SLC13A1: variants seen among roughly 807,000 people sequenced by gnomAD.
SLC13A1 encodes the protein solute carrier family 13 member 1.
In SLC13A1, 65 loss-of-function variants were observed where a neutral mutation model predicts 70.0. The observed-to-expected ratio is 0.93, with a 90% CI of 0.76 to 1.14. The LOEUF is 1.14. SLC13A1 is among the 50% of genes most tolerant of loss of function. The pLI is 0.00. For missense variants in SLC13A1, 726 were observed against 717.8 expected, an observed-to-expected ratio of 1.01 and a Z score of -0.13; for synonymous variants, 275 against 250.5, an observed-to-expected ratio of 1.10 and a Z score of -0.92.
chr7:123,114,636 CATT>C lies in SLC13A1; in HGVS notation c.*879_*881del, dbSNP rs1793120877. ...ACATCTCTTTATTTTTAACATATGACATTATGTATTTCTGAACTAAGATAAACA... is the reference window on the plus strand; with the variant it reads ...ACATCTCTTTATTTTTAACATATGACATGTATTTCTGAACTAAGATAAACA... On this transcript the variant is annotated 3_prime_UTR_variant, in exon 15 of 15. Coordinates refer to ENST00000194130, the MANE Select transcript of SLC13A1 (RefSeq NM_022444.4). 1 of 152,048 alleles carries C rather than the reference CATT, an allele frequency of 6.6e-6. No homozygotes were observed. Among genetic ancestry groups the C allele is most frequent in the Middle Eastern group, 3.4e-3 (1 of 294 alleles). The allele number at this position is 152,048 out of a possible 1,614,324, so 9.4% of individuals were successfully genotyped here.
At chr7:123,129,090 T>G in intron 9 of SLC13A1, 144 bp from the exon 10 acceptor site, 1 of 709,004 alleles carries the variant, frequency 1.4e-6, no homozygotes. Flanking sequence ...AGAGCATCAG[T>G]GCAGTTTGAA....
At chr7:123,178,408 T>C (rs923099828) in intron 2 of SLC13A1, among the ~76,000 whole-genome samples, 8 of 152,098 alleles carry the variant, frequency 5.3e-5, no homozygotes, top group Non-Finnish European at 1.0e-4. Flanking sequence ...GGGCAGGAAT[T>C]ATAGTTTAAA....
chr7:123,198,710 A>C (rs1585422257), intron 1 of SLC13A1, among the ~76,000 whole-genome samples: 1 of 152,062 alleles, frequency 6.6e-6, no homozygotes, highest in Admixed American at 6.6e-5. Flanking sequence ...GGCTGGAGGG[A>C]CCACCATATT....
rs566220326 is a variant in SLC13A1, at chr7:123,174,886, T to C, written c.229-2982A>G. On this transcript the variant is annotated intron_variant, in intron 2 of 14. Coordinates refer to ENST00000194130, the MANE Select transcript of SLC13A1 (RefSeq NM_022444.4). ...TTTAACCTGGAATGACCCTCTCTGC[T>C]TGTCTTGGATACTTCTAGTCTTCCT... 1.1e-4 allele frequency among the ~76,000 whole-genome samples: 17 copies of C among 152,038 alleles called. No homozygotes were observed. The South Asian group carries it at 3.5e-3, about 32-fold the overall frequency.
Position 123,199,876 on chromosome 7 carries a change from A to G in SLC13A1, c.71T>C (p.Leu24Pro). ...GGTGTGGAGGACGATGGGCAGAGGT[A>G]GTAAAACCAACACAGTGAAAACCAC... ...LFVVFTVLVL[L>P]PLPIVLHTKE... Residue 24 changes from leucine (L) to proline (P), a missense_variant, in exon 1 of 15, where the codon CTA (leucine) becomes CCA (proline). Transcript: ENST00000194130. The G allele has an allele frequency of 1.9e-6, 3 of 1,612,816 alleles. No homozygotes were observed. The highest frequency in any genetic ancestry group is 2.5e-6 in the Non-Finnish European group (3 of 1,179,102).
At chr7:123,178,764 T>C (rs146500198) in intron 2 of SLC13A1, among the ~76,000 whole-genome samples, 102 of 152,280 alleles carry the variant, frequency 6.7e-4, no homozygotes, top group African/African-American at 2.0e-3. Context: ...CTAAGGACTA[T>C]GATTTGCTGC....
chr7:123,187,344 T>G (rs1242367989), intron 1 of SLC13A1, among the ~76,000 whole-genome samples: 1 of 152,212 alleles, frequency 6.6e-6, no homozygotes. Context: ...TAGCAGTGTA[T>G]TCTTTAGAAG....
intron 7 of SLC13A1, among the ~76,000 whole-genome samples, chr7:123,140,851 T>C (rs1291370333): frequency 6.6e-6 from 1 of 152,114 alleles, no homozygotes; most frequent in Non-Finnish European, 1.5e-5. Context: ...GCCAATTTTG[T>C]TTAACTTTTT....
intron 7 of SLC13A1, among the ~76,000 whole-genome samples, chr7:123,134,938 G>A (rs1793904877): frequency 1.3e-5 from 2 of 152,180 alleles, no homozygotes; most frequent in Admixed American, 1.3e-4. Flanking sequence ...ATGGGAACAG[G>A]TGAAAATTAG....
At chr7:123,186,059 C>T (rs945989093) in intron 1 of SLC13A1, among the ~76,000 whole-genome samples, 1 of 151,932 alleles carries the variant, frequency 6.6e-6, no homozygotes, top group Non-Finnish European at 1.5e-5. Flanking sequence ...CCTTCAAAGT[C>T]CTTAGGCATT....
chr7:123,194,695 T>G (rs116825873), intron 1 of SLC13A1, among the ~76,000 whole-genome samples: 46 of 150,426 alleles, frequency 3.1e-4, no homozygotes, highest in African/African-American at 1.1e-3. Context: ...AGAGGGGAGA[T>G]TTAGGAGGAT....
At chr7:123,197,645 A>G (rs182807245) in intron 1 of SLC13A1, among the ~76,000 whole-genome samples, 3 of 152,252 alleles carry the variant, frequency 2.0e-5, no homozygotes, top group African/African-American at 2.4e-5. Context: ...TAAATCCTCC[A>G]TTAACATTAA....
intron 13 of SLC13A1, among the ~76,000 whole-genome samples, chr7:123,118,143 C>T (rs567469059): frequency 1.3e-5 from 2 of 151,966 alleles, no homozygotes; most frequent in Non-Finnish European, 2.9e-5. Flanking sequence ...TTTTCAAGTC[C>T]CTGTGGCTCC....
At chr7:123,116,487 G>T (rs999461132) in intron 14 of SLC13A1, among the ~76,000 whole-genome samples, 2 of 152,148 alleles carry the variant, frequency 1.3e-5, no homozygotes, top group African/African-American at 4.8e-5. Context: ...TGCATTCTCT[G>T]CATTAAAACA....
At chr7:123,165,342 C>T (rs1288192286) in intron 6 of SLC13A1, among the ~76,000 whole-genome samples, 3 of 152,098 alleles carry the variant, frequency 2.0e-5, no homozygotes, top group Admixed American at 6.6e-5. Flanking sequence ...TCAAAAGCCT[C>T]GCTTTCCTTT....
chr7:123,169,031 T>A, intron 4 of SLC13A1, 117 bp downstream of exon 4: 1 of 884,346 alleles, frequency 1.1e-6, no homozygotes. Context: ...GGGAAGAAAG[T>A]TAAATTCATA....
At chr7:123,160,349 T>A (rs1794849466) in intron 6 of SLC13A1, among the ~76,000 whole-genome samples, 1 of 150,070 alleles carries the variant, frequency 6.7e-6, no homozygotes, top group Non-Finnish European at 1.5e-5. Flanking sequence ...TTAAGATAGA[T>A]GAAGAGGTGC....
intron 7 of SLC13A1, among the ~76,000 whole-genome samples, chr7:123,135,746 T>C (rs552337546): frequency 6.6e-6 from 1 of 152,288 alleles, no homozygotes; most frequent in African/African-American, 2.4e-5. Flanking sequence ...TATCATTTTC[T>C]TTGAGCTTAT....
chr7:123,174,363 A>G (rs917563471), intron 2 of SLC13A1, among the ~76,000 whole-genome samples: 22 of 152,050 alleles, frequency 1.4e-4, no homozygotes, highest in African/African-American at 5.3e-4. Context: ...CTCACTCCCC[A>G]TCCTTCAAAC....
Sources: gnomAD v4.1 joint callset for allele counts (sites outside exome capture counted in the v4.1 genomes callset) on GRCh38, gnomAD v4.1.1 for gene constraint, MANE v1.5 for transcripts, NCBI Gene and HGNC (gene_info 2026-07-23, HGNC 2026-07-21) for gene names.